The following SH3BGR variants were observed in gnomAD, a reference collection of about 807,000 sequenced individuals.
SH3BGR encodes the protein SH3 domain binding glutamate rich protein.
A neutral mutation model predicts 24.5 loss-of-function variants in SH3BGR; 29 were observed. The ratio of observed to expected loss-of-function variants is 1.18; its 90% confidence interval spans 0.88 to 1.61. SH3BGR has a LOEUF of 1.61. Among genes scored for constraint, SH3BGR ranks in the 40% most tolerant of loss-of-function variants. The pLI is 0.00. For missense variants in SH3BGR, 162 were observed against 205.8 expected (o/e 0.79, Z 1.30); for synonymous variants, 55 against 65.7 (o/e 0.84, Z 0.79).
At chr21:39,509,471 G>GTTTT (rs560071613) in intron 5 of SH3BGR, among the ~76,000 whole-genome samples, 22 of 103,928 alleles carry the variant, frequency 2.1e-4, no homozygotes, top group South Asian at 3.3e-4. Flanking sequence ...CACTTTTATT[G>GTTTT]TTTTTTTTTT....
chr21:39,505,747 G>A (rs1434955332), intron 4 of SH3BGR, among the ~76,000 whole-genome samples: 5 of 151,882 alleles, frequency 3.3e-5, no homozygotes, highest in Admixed American at 3.3e-4. Flanking sequence ...TCTGGGCAAC[G>A]AGAGCAAAAC....
upstream of SH3BGR, chr21:39,451,914 C>G: frequency 6.2e-7 from 1 of 1,614,060 alleles, no homozygotes; most frequent in African/African-American, 1.3e-5. Flanking sequence ...CAAGATGCCT[C>G]TGCTGCTCCT....
chr21:39,478,098 C>T (rs964244309), intron 3 of SH3BGR, among the ~76,000 whole-genome samples: 21 of 151,978 alleles, frequency 1.4e-4, no homozygotes, highest in African/African-American at 4.1e-4. Flanking sequence ...ACTTATTTCT[C>T]CTAACAGACT....
intron 4 of SH3BGR, among the ~76,000 whole-genome samples, chr21:39,506,389 T>C (rs963818253): frequency 6.6e-6 from 1 of 152,168 alleles, no homozygotes; most frequent in Admixed American, 6.5e-5. Flanking sequence ...GCCAGAGGGG[T>C]ACACAGAGCC....
chr21:39,454,643 A>T (rs1345988592), intron 1 of SH3BGR, among the ~76,000 whole-genome samples: 2 of 152,092 alleles, frequency 1.3e-5, no homozygotes, highest in African/African-American at 2.4e-5. Context: ...TTAAGGACAG[A>T]CCCTCATAGT....
chr21:39,506,631 T>C (rs1211420611), intron 4 of SH3BGR, among the ~76,000 whole-genome samples: 1 of 152,066 alleles, frequency 6.6e-6, no homozygotes, highest in Non-Finnish European at 1.5e-5. Flanking sequence ...TACAAAACCA[T>C]GAGATCTTGT....
intron 1 of SH3BGR, among the ~76,000 whole-genome samples, chr21:39,454,381 C>G (rs879359034): frequency 6.6e-6 from 1 of 152,214 alleles, no homozygotes; most frequent in Admixed American, 6.5e-5. Flanking sequence ...AAATTGTAGT[C>G]TCCTTATGAG....
intron 3 of SH3BGR, among the ~76,000 whole-genome samples, chr21:39,477,269 G>A (rs1196204188): frequency 6.6e-6 from 1 of 152,020 alleles, no homozygotes; most frequent in Non-Finnish European, 1.5e-5. Flanking sequence ...GTTCCATCAA[G>A]TTGATGTGCC....
intron 2 of SH3BGR, among the ~76,000 whole-genome samples, chr21:39,468,311 A>G (rs1338695211): frequency 6.6e-6 from 1 of 152,226 alleles, no homozygotes; most frequent in African/African-American, 2.4e-5. Flanking sequence ...TACATAATTT[A>G]AAAAGGAGTG....
intron 1 of SH3BGR, among the ~76,000 whole-genome samples, chr21:39,459,265 G>A (rs536585601): frequency 1.2e-4 from 17 of 143,200 alleles, no homozygotes; most frequent in South Asian, 6.6e-4. Flanking sequence ...TCACTCTGTC[G>A]CCAGGCTGGA....
At chr21:39,514,361 A>G (rs932104852) in intron 6 of SH3BGR, among the ~76,000 whole-genome samples, 6 of 151,786 alleles carry the variant, frequency 4.0e-5, no homozygotes, top group Admixed American at 3.9e-4. Flanking sequence ...TATTATTATT[A>G]TTTATTTATT....
intron 3 of SH3BGR, among the ~76,000 whole-genome samples, chr21:39,481,809 C>T (rs1457574143): frequency 1.3e-5 from 2 of 151,954 alleles, no homozygotes; most frequent in Non-Finnish European, 2.9e-5. Context: ...GAAAAATAAC[C>T]CGTTTGCCAA....
chr21:39,476,439 A>G lies in SH3BGR; in HGVS notation c.312+1224A>G, dbSNP rs548481754. Among the ~76,000 whole-genome samples, 15 of 152,324 alleles carry G rather than the reference A, an allele frequency of 9.8e-5. No individual in the cohort carries two copies. In the South Asian group the frequency reaches 3.1e-3, roughly 32 times the overall value. On this transcript the variant is annotated intron_variant, in intron 3 of 6. Transcript: ENST00000333634. ...ACAGAGTGGTCTAAGGAGGGCTGGTAGTGAGAACGAGGGACTATGCATAGA... is the reference window on the plus strand; with the variant it reads ...ACAGAGTGGTCTAAGGAGGGCTGGTGGTGAGAACGAGGGACTATGCATAGA...
chr21:39,453,069 G>T (rs2077600700), intron 1 of SH3BGR, among the ~76,000 whole-genome samples: 1 of 152,180 alleles, frequency 6.6e-6, no homozygotes, highest in Non-Finnish European at 1.5e-5. Context: ...TTTCGGCTGG[G>T]ATTTCAGCAG....
intron 1 of SH3BGR, among the ~76,000 whole-genome samples, chr21:39,457,265 A>G (rs1028473533): frequency 7.1e-5 from 10 of 140,352 alleles, no homozygotes; most frequent in African/African-American, 2.6e-4. Context: ...ATATTGTTAT[A>G]TATAAAAGTC....
At chr21:39,476,252 T>C (rs923804328) in intron 3 of SH3BGR, among the ~76,000 whole-genome samples, 2 of 152,100 alleles carry the variant, frequency 1.3e-5, no homozygotes, top group Non-Finnish European at 2.9e-5. Flanking sequence ...GGAGCTTGGC[T>C]CTTTACAGAA....
chr21:39,490,023 A>T (rs554523245), intron 3 of SH3BGR, among the ~76,000 whole-genome samples: 28 of 152,326 alleles, frequency 1.8e-4, no homozygotes, highest in African/African-American at 6.0e-4. Flanking sequence ...AAGAAGGGAA[A>T]TAAGTGTAAG....
chr21:39,475,218 A>G lies in SH3BGR; in HGVS notation c.312+3A>G, dbSNP rs1303612763. 1 of 1,580,904 alleles carries G rather than the reference A, an allele frequency of 6.3e-7. No homozygotes were observed. Among genetic ancestry groups the G allele is most frequent in the Admixed American group, 1.7e-5 (1 of 59,958 alleles). Reference sequence around the variant, plus strand: ...TGGCTCCTCCTCCAGACTCAAAGGTAAGTTTGAACAAACTCCATTGGGGTT... The same window carrying G: ...TGGCTCCTCCTCCAGACTCAAAGGTGAGTTTGAACAAACTCCATTGGGGTT... On this transcript the variant is annotated splice_donor_region_variant and intron_variant, in intron 3 of 6. Transcript: ENST00000333634.
At chr21:39,507,983 G>T (rs2123543930) in intron 4 of SH3BGR, among the ~76,000 whole-genome samples, 1 of 152,290 alleles carries the variant, frequency 6.6e-6, no homozygotes, top group South Asian at 2.1e-4. Flanking sequence ...GTGTAACAAA[G>T]ACACTTAATT....
Sources: gnomAD v4.1 joint callset for allele counts (sites outside exome capture counted in the v4.1 genomes callset) on GRCh38, gnomAD v4.1.1 for gene constraint, MANE v1.5 for transcripts, NCBI Gene and HGNC (gene_info 2026-07-23, HGNC 2026-07-21) for gene names.